Variants in GALNT14 observed in about 807,000 individuals in gnomAD.
GALNT14 encodes the protein polypeptide N-acetylgalactosaminyltransferase 14, also known as UDP-GalNAc:polypeptide N-acetylgalactosaminyltransferase 14.
A neutral mutation model predicts 77.5 loss-of-function variants in GALNT14; 60 were observed. The ratio of observed to expected loss-of-function variants is 0.77; its 90% CI spans 0.63 to 0.96. The LOEUF is 0.96. Among genes scored for constraint, GALNT14 ranks in the 40% least tolerant of loss-of-function variants. The pLI is 0.00. For synonymous variants in GALNT14, 280 were observed against 281.7 expected (o/e 0.99, Z 0.06); for missense variants, 710 against 731.0 (o/e 0.97, Z 0.33).
At chr2:31,114,727 G>C (rs1333733261) in intron 1 of GALNT14, 1 of 715,692 alleles carries the variant, frequency 1.4e-6, no homozygotes, top group Admixed American at 2.0e-5. Flanking sequence ...TTAACAAATG[G>C]AAGTAAAGAA....
chr2:31,021,068 G>T (rs1479070918), intron 1 of GALNT14, among the ~76,000 whole-genome samples: 1 of 152,122 alleles, frequency 6.6e-6, no homozygotes, highest in Non-Finnish European at 1.5e-5. Flanking sequence ...AGGGAAGGCA[G>T]GAGCACAAAT....
intron 1 of GALNT14, chr2:31,114,692 G>T: frequency 1.4e-6 from 1 of 705,360 alleles, no homozygotes; most frequent in South Asian, 1.6e-5. Context: ...GGGGAAAAAG[G>T]AACAAATACA....
intron 1 of GALNT14, among the ~76,000 whole-genome samples, chr2:31,069,836 C>A (rs1453963966): frequency 8.5e-5 from 13 of 152,138 alleles, no homozygotes; most frequent in Non-Finnish European, 1.6e-4. Context: ...TTTATCTAAT[C>A]CTGCTCAGTT....
At chr2:31,018,509 C>T (rs1355319137) in intron 1 of GALNT14, among the ~76,000 whole-genome samples, 1 of 152,172 alleles carries the variant, frequency 6.6e-6, no homozygotes, top group Non-Finnish European at 1.5e-5. Context: ...TAAGAACTCA[C>T]TGTCACATGA....
chr2:31,081,106 C>T (rs1166697247), intron 1 of GALNT14, among the ~76,000 whole-genome samples: 1 of 152,172 alleles, frequency 6.6e-6, no homozygotes, highest in African/African-American at 2.4e-5. Context: ...TATCTCATTT[C>T]AAATGCATTG....
In GALNT14 at chr2:31,007,149, C is replaced by T. The variant is rs576655737; in HGVS notation, c.130-14142G>A. 2.6e-5 allele frequency among the ~76,000 whole-genome samples: 4 copies of T among 152,244 alleles called. No homozygotes were observed. The South Asian group carries it at 6.2e-4, about 24-fold the overall frequency. ...CAAAAGCAGACCCCGAGTATCCAGA[C>T]GCTGTGCCTGCTGAATATGGATAGG... On this transcript the variant is annotated intron_variant, in intron 1 of 14. Transcript: ENST00000349752.
At chr2:31,027,404 C>A (rs1354824082) in intron 1 of GALNT14, among the ~76,000 whole-genome samples, 4 of 109,688 alleles carry the variant, frequency 3.6e-5, no homozygotes, top group African/African-American at 1.4e-4. Flanking sequence ...GCAACAAGAG[C>A]AAAACTCCAA....
intron 1 of GALNT14, among the ~76,000 whole-genome samples, chr2:31,098,711 G>A (rs575237496): frequency 3.3e-5 from 5 of 152,088 alleles, no homozygotes; most frequent in East Asian, 1.9e-4. Context: ...CTTAACTACC[G>A]ATAGCCTATT....
At chr2:31,057,374 G>GTATA (rs201931090) in intron 1 of GALNT14, among the ~76,000 whole-genome samples, 3 of 25,526 alleles carry the variant, frequency 1.2e-4, no homozygotes, top group Non-Finnish European at 1.8e-4. Flanking sequence ...GTGTGTGTGT[G>GTATA]TATATATATA....
rs188558515 is a variant in GALNT14, at chr2:30,944,043, A to G, written c.827+815T>C. On this transcript the variant is annotated intron_variant, in intron 8 of 14. Transcript: ENST00000349752. ...TCCTGGGCATCCCTAATCTGGACTG[A>G]GAAATCCAGTGGCCTCTGTATCTAT... Among the ~76,000 whole-genome samples, 36 of 152,350 alleles carry G rather than the reference A, an allele frequency of 2.4e-4. No homozygotes were observed. In the Middle Eastern group the frequency reaches 0.014, roughly 58 times the overall value.
At chr2:31,067,122 A>G (rs1359798250) in intron 1 of GALNT14, among the ~76,000 whole-genome samples, 1 of 152,070 alleles carries the variant, frequency 6.6e-6, no homozygotes, top group Admixed American at 6.5e-5. Flanking sequence ...ACCTCCCGCC[A>G]GCCCAGGGTC....
intron 9 of GALNT14, among the ~76,000 whole-genome samples, chr2:30,932,560 G>A (rs1022185304): frequency 6.6e-6 from 1 of 152,236 alleles, no homozygotes; most frequent in East Asian, 1.9e-4. Context: ...CATTGTGGAA[G>A]TCTGGTTAGA....
downstream of GALNT14, among the ~76,000 whole-genome samples, chr2:30,909,770 T>C (rs1317384460): frequency 2.0e-5 from 3 of 152,058 alleles, no homozygotes; most frequent in East Asian, 1.9e-4. Context: ...TGTATGTTTA[T>C]TGCAGCATGA....
At chr2:30,969,711 G>A (rs1668228123) in intron 2 of GALNT14, among the ~76,000 whole-genome samples, 1 of 152,190 alleles carries the variant, frequency 6.6e-6, no homozygotes, top group Admixed American at 6.5e-5. Context: ...ACGTGAGGCA[G>A]TTCCCAGAAT....
intron 1 of GALNT14, among the ~76,000 whole-genome samples, chr2:31,076,418 A>G (rs1573309265): frequency 6.6e-6 from 1 of 151,696 alleles, no homozygotes; most frequent in East Asian, 1.9e-4. Flanking sequence ...TCCTGTCTCC[A>G]CCCCCGCTCT....
At chr2:30,918,668 G>A (rs545183888) in intron 13 of GALNT14, among the ~76,000 whole-genome samples, 1 of 124,760 alleles carries the variant, frequency 8.0e-6, no homozygotes, top group East Asian at 2.1e-4. Context: ...GCATCGGGCA[G>A]GGAGGGTGGC....
At chr2:31,079,178 G>GA in intron 1 of GALNT14, 7 of 613,542 alleles carry the variant, frequency 1.1e-5, no homozygotes, top group Non-Finnish European at 1.6e-5. Flanking sequence ...CTCCACATCA[G>GA]TGTGGAAGTT....
intron 2 of GALNT14, among the ~76,000 whole-genome samples, chr2:30,988,706 T>C (rs1484177339): frequency 6.6e-6 from 1 of 152,196 alleles, no homozygotes; most frequent in African/African-American, 2.4e-5. Flanking sequence ...GCTGATGCTC[T>C]GTGGTTTCTA....
intron 14 of GALNT14, 91 bp downstream of exon 14, chr2:30,912,131 AT>A (rs1664400632): frequency 6.7e-7 from 1 of 1,490,452 alleles, no homozygotes; most frequent in Admixed American, 1.9e-5. Context: ...TCTTCTAACA[AT>A]TTCTCTCTTT....
Sources: allele counts gnomAD v4.1 joint callset (sites outside exome capture counted in the v4.1 genomes callset), GRCh38; gene constraint gnomAD v4.1.1; transcripts MANE v1.5; gene names NCBI Gene and HGNC (gene_info 2026-07-23, HGNC 2026-07-21).